Variants in IGF2R observed in about 807,000 individuals in gnomAD.
The protein encoded by IGF2R is insulin like growth factor 2 receptor.
Under a neutral mutation model 270.6 loss-of-function variants are expected in IGF2R, and 91 were observed. That is an observed-to-expected ratio of 0.34 (90% CI 0.28 to 0.40). IGF2R has a LOEUF of 0.40. IGF2R is among the 10% of genes least tolerant of loss of function. The probability of loss-of-function intolerance (pLI) is 1.00; values close to 1 mark genes in which losing one functional copy is unlikely to be tolerated. For missense variants in IGF2R, 2,805 were observed against 3,188.3 expected, an observed-to-expected ratio of 0.88 and a Z score of 2.90; for synonymous variants, 1,316 against 1,258.9, an observed-to-expected ratio of 1.05 and a Z score of -0.96.
intron 1 of IGF2R, among the ~76,000 whole-genome samples, chr6:159,978,727 G>T (rs1464987716): frequency 6.6e-6 from 1 of 152,142 alleles, no homozygotes; most frequent in Non-Finnish European, 1.5e-5. Context: ...TTTTGTCTCC[G>T]TGTTAGCCAG....
intron 15 of IGF2R, 128 bp downstream of exon 15, chr6:160,046,773 G>A: frequency 9.7e-7 from 1 of 1,030,254 alleles, no homozygotes; most frequent in Non-Finnish European, 1.4e-6. Context: ...GATGAGACCT[G>A]GTCTGAAAAC....
intron 19 of IGF2R, among the ~76,000 whole-genome samples, chr6:160,051,814 T>C (rs1419339135): frequency 6.6e-6 from 1 of 151,992 alleles, no homozygotes; most frequent in Non-Finnish European, 1.5e-5. Flanking sequence ...AAAAAAAATT[T>C]AGCCAAGTGT....
Position 160,073,222 on chromosome 6 carries a change from T to C in IGF2R, c.4700T>C (p.Phe1567Ser). The change falls in exon 34 of 48, where the codon TTT (phenylalanine) becomes TCT (serine). Residue 1567 changes from phenylalanine to serine, a missense_variant. This residue lies in a region of IGF2R where 1,851 missense variants were observed against 2,207.2 expected (regional missense o/e 0.84). Coordinates refer to ENST00000356956, the MANE Select transcript of IGF2R (RefSeq NM_000876.4). Reference sequence around the variant, plus strand: ...TTCCCTTGTGGTGCAGGGGCCTGCTTTGGACAGACCAGGATTAGCGTGGGC... The same window carrying C: ...TTCCCTTGTGGTGCAGGGGCCTGCTCTGGACAGACCAGGATTAGCGTGGGC... The part of the protein sequence containing the change: ...ENCPPGVGAC[F>S]GQTRISVGKA... 1 of 1,614,230 alleles carries C rather than the reference T, an allele frequency of 6.2e-7. No homozygotes were observed. Among genetic ancestry groups the C allele is most frequent in the Non-Finnish European group, 8.5e-7 (1 of 1,180,030 alleles).
chr6:160,059,381 A>G (rs1243706448), intron 22 of IGF2R, among the ~76,000 whole-genome samples: 1 of 152,268 alleles, frequency 6.6e-6, no homozygotes, highest in East Asian at 1.9e-4. Context: ...AACTGTCATT[A>G]CAGATATTGT....
At position 159,976,147 on chromosome 6, in the gene IGF2R, C is replaced by T. The variant is rs532290943; in HGVS notation, c.149+6752C>T. On this transcript the variant is annotated intron_variant, in intron 1 of 47. Coordinates refer to ENST00000356956, the MANE Select transcript of IGF2R (RefSeq NM_000876.4). The stretch of plus-strand genomic sequence containing the variant: ...GGCAGGCTCTTAGGTGGAATATCAT[C>T]GGGGAGGACTTTTGATTATGGTTTT... 8.7e-4 allele frequency among the ~76,000 whole-genome samples: 132 copies of T among 152,186 alleles called. 1 individual carries two copies. The highest frequency in any genetic ancestry group is 1.3e-3 in the Non-Finnish European group (88 of 67,984).
At chr6:160,057,617 C>T (rs1327698021) in intron 20 of IGF2R, among the ~76,000 whole-genome samples, 1 of 152,224 alleles carries the variant, frequency 6.6e-6, no homozygotes, top group Non-Finnish European at 1.5e-5. Context: ...ATTTGACAGT[C>T]ACCTGGTCAT....
intron 44 of IGF2R, 162 bp from the exon 45 acceptor site, chr6:160,096,277 G>A: frequency 1.6e-6 from 1 of 608,178 alleles, no homozygotes; most frequent in African/African-American, 1.8e-5. Context: ...TGTGCATCGA[G>A]TGGCCTCGTA....
At chr6:160,074,027 A>G (rs1206873787) in intron 35 of IGF2R, 52 bp downstream of exon 35, 1 of 1,326,448 alleles carries the variant, frequency 7.5e-7, no homozygotes, top group Non-Finnish European at 1.1e-6. Context: ...ACTTTTAGTG[A>G]TAACCTTTGC....
chr6:159,983,182 T>C (rs1463603676), intron 1 of IGF2R, among the ~76,000 whole-genome samples: 1 of 152,194 alleles, frequency 6.6e-6, no homozygotes, highest in East Asian at 1.9e-4. Flanking sequence ...GGGGCTACAT[T>C]GACTTCTTCA....
intron 45 of IGF2R, among the ~76,000 whole-genome samples, chr6:160,097,076 A>G (rs1461777272): frequency 6.6e-6 from 1 of 152,194 alleles, no homozygotes; most frequent in African/African-American, 2.4e-5. Flanking sequence ...TGAGTGCAGT[A>G]TTTTTACTTT....
chr6:160,048,443 C>T lies in IGF2R; in HGVS notation c.2414C>T (p.Thr805Met), dbSNP rs141420320. The change falls in exon 18 of 48, where the codon ACG becomes ATG. Residue 805 changes from threonine to methionine, a missense_variant. Thr to Met is a moderately conservative substitution (Grantham distance 81). Transcript: ENST00000356956. ...ATGGACAACTCAGGGGAACATGTCA[C>T]GTGGAGGAAATACTACATTAACGTG... is the stretch of plus-strand genomic sequence containing the variant. ...YAMDNSGEHV[T>M]WRKYYINVCR... 2.8e-4 allele frequency: 454 copies of T among 1,614,188 alleles called. 2 individuals carry two copies. The highest frequency in any genetic ancestry group is 4.7e-4 in the South Asian group (43 of 91,084).
intron 17 of IGF2R, 77 bp downstream of exon 17, chr6:160,047,984 C>T: frequency 1.0e-6 from 1 of 958,934 alleles, no homozygotes; most frequent in South Asian, 1.3e-5. Context: ...GAGCGTGTGA[C>T]TGAGCTGATG....
chr6:160,073,386 A>G lies in IGF2R; in HGVS notation c.4864A>G (p.Asn1622Asp). The G allele has an allele frequency of 6.2e-7, 1 of 1,614,176 alleles. No individual in the cohort carries two copies. Among genetic ancestry groups the G allele is most frequent in the Non-Finnish European group, 8.5e-7 (1 of 1,179,984 alleles). Residue 1622 changes from asparagine to aspartate, a missense_variant, in exon 34 of 48, where the codon AAT (asparagine) becomes GAT (aspartate). Asn to Asp is a conservative substitution (Grantham distance 23). Coordinates refer to ENST00000356956, the MANE Select transcript of IGF2R (RefSeq NM_000876.4). ...GTGCAGGCCTGAGGCCAGGCCAACC[A>G]ATAGGCCCATGCTCATCTCCCTGGA... ...FVCRPEARPT[N>D]RPMLISLDKQ...
chr6:160,065,814 G>GTGTGTGTATA, intron 29 of IGF2R, among the ~76,000 whole-genome samples: 23 of 78,378 alleles, frequency 2.9e-4, no homozygotes, highest in African/African-American at 8.4e-4. Flanking sequence ...GTGTGTGTGT[G>GTGTGTGTATA]TATATATATA....
At chr6:160,034,294 G>T in intron 9 of IGF2R, 125 bp from the exon 10 acceptor site, 1 of 578,240 alleles carries the variant, frequency 1.7e-6, no homozygotes, top group Non-Finnish European at 3.2e-6. Flanking sequence ...TAGAGAGCTT[G>T]CTGTTTTAGA....
intron 37 of IGF2R, 50 bp downstream of exon 37, chr6:160,078,412 G>C: frequency 2.6e-6 from 4 of 1,562,218 alleles, no homozygotes; most frequent in South Asian, 1.1e-5. Context: ...CAGGTGCCAG[G>C]TGCTGTGAGG....
In IGF2R at chr6:160,045,891, C is replaced by T. The variant is rs753780924; in HGVS notation, c.1903+9C>T. On this transcript the variant is annotated intron_variant, in intron 14 of 47. Coordinates refer to ENST00000356956, the MANE Select transcript of IGF2R (RefSeq NM_000876.4). Reference sequence around the variant, plus strand: ...CTTTGACTCCCAGGCAGGTCTGTGTCCAAGCAGGACCTCTGCTTTAATGTG... The same window carrying T: ...CTTTGACTCCCAGGCAGGTCTGTGTTCAAGCAGGACCTCTGCTTTAATGTG... 37 of 1,526,720 alleles carry T rather than the reference C, an allele frequency of 2.4e-5. No individual in the cohort carries two copies. Among genetic ancestry groups the T allele is most frequent in the Non-Finnish European group, 3.1e-5 (35 of 1,141,468 alleles). The allele number at this position is 1,526,720 out of a possible 1,614,324, so 94.6% of individuals were successfully genotyped here. A position where few individuals can be genotyped will look rare whatever the true frequency, so the allele number is the denominator to read the frequency against.
rs750837008 is a variant in IGF2R, at chr6:160,047,818, C to G, written c.2256C>G (p.Phe752Leu). 6 of 1,613,728 alleles carry G rather than the reference C, an allele frequency of 3.7e-6. No homozygotes were observed. The Admixed American group carries it at 5.0e-5, about 13-fold the overall frequency. ...YQEEDNSTYN[F>L]RWYTSYACPE... ...AAGAGGATAACTCCACCTACAACTTCCGGTGGTACACCAGCTATGCCTGCC... is the reference window on the plus strand; with the variant it reads ...AAGAGGATAACTCCACCTACAACTTGCGGTGGTACACCAGCTATGCCTGCC... The change falls in exon 17 of 48, where the codon TTC becomes TTG. Residue 752 changes from phenylalanine to leucine, a missense_variant. Transcript: ENST00000356956.
Position 160,086,396 on chromosome 6 carries a change from C to T in IGF2R, c.6205+1265C>T, listed in dbSNP as rs144535466. Among the ~76,000 whole-genome samples the T allele has an allele frequency of 2.2e-4, 34 of 152,280 alleles. No individual in the cohort carries two copies. In the East Asian group the frequency reaches 6.4e-3, roughly 29 times the overall value. On this transcript the variant is annotated intron_variant, in intron 41 of 47. Transcript: ENST00000356956. ...GGACAACCACGGTGCCCCCATTGTC[C>T]GCTTAGGGAATGGACCCCTGTTGGG...
Sources: allele counts gnomAD v4.1 joint callset (sites outside exome capture counted in the v4.1 genomes callset), GRCh38; gene constraint gnomAD v4.1.1; regional missense constraint gnomAD v4.1.1; transcripts MANE v1.5; gene names NCBI Gene and HGNC (gene_info 2026-07-23, HGNC 2026-07-21).